Variants in LUC7L2 observed in about 807,000 individuals in gnomAD.
LUC7L2 encodes the protein putative RNA-binding protein Luc7-like 2.
In LUC7L2, 25 loss-of-function variants were observed where a neutral mutation model predicts 52.8. The ratio of observed to expected loss-of-function variants is 0.47; its 90% CI spans 0.34 to 0.66. The LOEUF is 0.66. LUC7L2 is among the 30% of genes least tolerant of loss of function. LUC7L2 has a pLI of 0.01. For missense variants in LUC7L2, 328 were observed against 497.8 expected, an observed-to-expected ratio of 0.66 and a Z score of 3.25; for synonymous variants, 144 against 160.9, an observed-to-expected ratio of 0.89 and a Z score of 0.80.
At chr7:139,377,287 C>G (rs1026730024) in intron 2 of LUC7L2, among the ~76,000 whole-genome samples, 4 of 152,194 alleles carry the variant, frequency 2.6e-5, no homozygotes, top group African/African-American at 9.7e-5. Flanking sequence ...TCACTGCTAC[C>G]TCCACTGCCT....
chr7:139,341,203 G>A (rs1798934868), intron 1 of LUC7L2: 2 of 1,091,570 alleles, frequency 1.8e-6, no homozygotes, highest in South Asian at 2.0e-5. Flanking sequence ...TTTTGTTACG[G>A]CGCCCCTGGG....
At chr7:139,409,955 T>C (rs7805363) in intron 7 of LUC7L2, among the ~76,000 whole-genome samples, 58,480 of 152,146 alleles carry the variant, frequency 0.38, 15,671 homozygotes, top group African/African-American at 0.76. Flanking sequence ...CGCCTGTAAT[T>C]CCAGCACTTT....
chr7:139,365,245 C>T (rs1421468127), intron 1 of LUC7L2, among the ~76,000 whole-genome samples: 1 of 152,226 alleles, frequency 6.6e-6, no homozygotes, highest in African/African-American at 2.4e-5. Context: ...CTTCATATAA[C>T]ATTGCATCGT....
intron 2 of LUC7L2, among the ~76,000 whole-genome samples, chr7:139,378,203 A>G (rs368465984): frequency 6.6e-6 from 1 of 152,054 alleles, no homozygotes; most frequent in Non-Finnish European, 1.5e-5. Context: ...TATGAAATCT[A>G]TCATTGTCTA....
In LUC7L2 at chr7:139,410,240, C is replaced by T. The variant is rs563316699; in HGVS notation, c.779+586C>T. On this transcript the variant is annotated intron_variant, in intron 7 of 9. Coordinates refer to ENST00000354926, the MANE Select transcript of LUC7L2 (RefSeq NM_016019.5). Reference sequence around the variant, plus strand: ...AAAAGATTTATAACAAAATCCTTTTCTAGCCCTTTGATTTTTCATATTGGG... The same window carrying T: ...AAAAGATTTATAACAAAATCCTTTTTTAGCCCTTTGATTTTTCATATTGGG... 1.9e-3 allele frequency among the ~76,000 whole-genome samples: 291 copies of T among 151,356 alleles called. 2 individuals carry two copies. The highest frequency in any genetic ancestry group is 2.3e-3 in the Non-Finnish European group (156 of 67,792).
chr7:139,401,106 A>G (rs1306722344), intron 3 of LUC7L2, among the ~76,000 whole-genome samples: 1 of 152,194 alleles, frequency 6.6e-6, no homozygotes, highest in Admixed American at 6.5e-5. Flanking sequence ...TGTGCCTCAC[A>G]AATGTCTTAT....
chr7:139,384,297 C>A (rs1017719937), intron 2 of LUC7L2, among the ~76,000 whole-genome samples: 1 of 151,682 alleles, frequency 6.6e-6, no homozygotes, highest in Non-Finnish European at 1.5e-5. Flanking sequence ...ATATATATTT[C>A]ATATATACTC....
chr7:139,387,978 G>T (rs1042560890), intron 2 of LUC7L2, among the ~76,000 whole-genome samples: 25 of 151,900 alleles, frequency 1.6e-4, no homozygotes, highest in African/African-American at 6.0e-4. Flanking sequence ...TCTTTCCCTC[G>T]CATGCTTCTC....
chr7:139,385,762 G>T (rs1018724404), intron 2 of LUC7L2, among the ~76,000 whole-genome samples: 16 of 152,124 alleles, frequency 1.1e-4, no homozygotes, highest in African/African-American at 3.9e-4. Context: ...TGATTTCTTT[G>T]TACAATGAGT....
At chr7:139,409,390 G>A (rs979984450) in intron 6 of LUC7L2, among the ~76,000 whole-genome samples, 173 bp from the exon 7 acceptor site, 1 of 151,940 alleles carries the variant, frequency 6.6e-6, no homozygotes, top group Non-Finnish European at 1.5e-5. Context: ...AAAGATTATG[G>A]AAAGAAGACT....
At chr7:139,362,388 C>T (rs1468030443) in intron 1 of LUC7L2, among the ~76,000 whole-genome samples, 1 of 151,244 alleles carries the variant, frequency 6.6e-6, no homozygotes, top group African/African-American at 2.4e-5. Context: ...TAGGATTGTT[C>T]TTTTTTAGCA....
chr7:139,350,527 A>G (rs1216987904), intron 1 of LUC7L2, among the ~76,000 whole-genome samples: 1 of 151,648 alleles, frequency 6.6e-6, no homozygotes, highest in East Asian at 1.9e-4. Context: ...CCCCTCTACT[A>G]CCACCAAAAC....
At chr7:139,375,428 T>C (rs774025574) in intron 1 of LUC7L2, 201 of 985,296 alleles carry the variant, frequency 2.0e-4, no homozygotes, top group Non-Finnish European at 2.2e-4. Context: ...TGTGCCTTTG[T>C]TTGACTGGTG....
intron 3 of LUC7L2, among the ~76,000 whole-genome samples, chr7:139,400,210 CG>C (rs1569386976): frequency 2.0e-5 from 3 of 152,084 alleles, no homozygotes; most frequent in Admixed American, 1.3e-4. Context: ...CGTGGTGGCT[CG>C]TAATCCCAGC....
chr7:139,363,802 A>T (rs551163159), intron 1 of LUC7L2, among the ~76,000 whole-genome samples: 2 of 152,228 alleles, frequency 1.3e-5, no homozygotes, highest in East Asian at 3.9e-4. Flanking sequence ...GTACCCTCAC[A>T]CAGACTGTGA....
At chr7:139,365,736 G>T (rs1490522558) in intron 1 of LUC7L2, among the ~76,000 whole-genome samples, 1 of 152,224 alleles carries the variant, frequency 6.6e-6, no homozygotes, top group Non-Finnish European at 1.5e-5. Flanking sequence ...GCCTACTGCT[G>T]TTAGTATGTA....
At chr7:139,379,639 G>A (rs907198218) in intron 2 of LUC7L2, among the ~76,000 whole-genome samples, 27 of 126,394 alleles carry the variant, frequency 2.1e-4, no homozygotes, top group African/African-American at 7.1e-4. Context: ...GCATGATCTC[G>A]GCTCACTGCA....
At chr7:139,372,027 A>G (rs1800477158) in intron 1 of LUC7L2, among the ~76,000 whole-genome samples, 1 of 152,208 alleles carries the variant, frequency 6.6e-6, no homozygotes, top group Non-Finnish European at 1.5e-5. Context: ...AGGAATTAAT[A>G]GAAAAGTTGA....
intron 2 of LUC7L2, among the ~76,000 whole-genome samples, chr7:139,391,912 A>G (rs763735217): frequency 6.6e-6 from 1 of 152,136 alleles, no homozygotes; most frequent in Non-Finnish European, 1.5e-5. Flanking sequence ...TTCCAATTGT[A>G]GTAATAATCA....
Sources: gnomAD v4.1 joint callset for allele counts (sites outside exome capture counted in the v4.1 genomes callset) on GRCh38, gnomAD v4.1.1 for gene constraint, MANE v1.5 for transcripts, NCBI Gene and HGNC (gene_info 2026-07-23, HGNC 2026-07-21) for gene names.